Variants in TRIM2 observed in about 807,000 individuals in gnomAD.
The protein encoded by TRIM2 is tripartite motif containing 2.
A neutral mutation model predicts 75.2 loss-of-function variants in TRIM2; 20 were observed. That is an observed-to-expected ratio of 0.27 (90% CI 0.19 to 0.39). The LOEUF is 0.39. Among genes scored for constraint, TRIM2 ranks in the 10% least tolerant of loss-of-function variants. TRIM2 has a pLI of 1.00. For missense variants in TRIM2, 660 were observed against 990.8 expected, an observed-to-expected ratio of 0.67 and a Z score of 4.48; for synonymous variants, 373 against 388.3, an observed-to-expected ratio of 0.96 and a Z score of 0.46.
intron 1 of TRIM2, among the ~76,000 whole-genome samples, chr4:153,240,770 C>T (rs910972456): frequency 2.0e-5 from 3 of 152,164 alleles, no homozygotes; most frequent in African/African-American, 7.2e-5. Flanking sequence ...AGAATATTTT[C>T]AGTAAGTATA....
At chr4:153,170,539 C>T (rs1255923156) in intron 1 of TRIM2, among the ~76,000 whole-genome samples, 1 of 152,162 alleles carries the variant, frequency 6.6e-6, no homozygotes, top group Non-Finnish European at 1.5e-5. Flanking sequence ...AGTTATGCCA[C>T]AGCAACCCCC....
chr4:153,292,970 T>A lies in TRIM2; in HGVS notation c.454-12T>A. The A allele has an allele frequency of 1.3e-6, 2 of 1,595,722 alleles. No individual in the cohort carries two copies. Among genetic ancestry groups the A allele is most frequent in the Non-Finnish European group, 1.7e-6 (2 of 1,168,132 alleles). The stretch of plus-strand genomic sequence containing the variant: ...GGCCCAGAACCAGGAACTTTTCTTG[T>A]GTCATCCACAGGTGATGGAATTTTA... On this transcript the variant is annotated splice_polypyrimidine_tract_variant and intron_variant, in intron 3 of 11. Transcript: ENST00000338700.
At chr4:153,154,945 G>A (rs1172832129) in intron 1 of TRIM2, among the ~76,000 whole-genome samples, 4 of 152,182 alleles carry the variant, frequency 2.6e-5, no homozygotes, top group African/African-American at 9.7e-5. Flanking sequence ...TTCAAGACCA[G>A]CCTGGCCAAA....
chr4:153,229,003 G>T (rs1742903457), intron 1 of TRIM2, among the ~76,000 whole-genome samples: 1 of 152,170 alleles, frequency 6.6e-6, no homozygotes, highest in Non-Finnish European at 1.5e-5. Flanking sequence ...AGATCTGGGA[G>T]CCTGGAAAGG....
chr4:153,154,246 A>T (rs1197460841), intron 1 of TRIM2, among the ~76,000 whole-genome samples: 1 of 152,204 alleles, frequency 6.6e-6, no homozygotes, highest in East Asian at 1.9e-4. Flanking sequence ...TGTGATACAG[A>T]GGCAGGCGGA....
At chr4:153,246,232 C>G (rs889641787) in intron 1 of TRIM2, among the ~76,000 whole-genome samples, 2 of 152,168 alleles carry the variant, frequency 1.3e-5, no homozygotes, top group African/African-American at 4.8e-5. Flanking sequence ...TAAAAAGTAT[C>G]TCTTTTAAAA....
In TRIM2 at chr4:153,338,230, A is replaced by T. The variant is rs1263447223; in HGVS notation, c.*3264A>T. 1.0e-6 allele frequency: 1 copy of T among 985,780 alleles called. No homozygotes were observed. Among genetic ancestry groups the T allele is most frequent in the Admixed American group, 6.1e-5 (1 of 16,276 alleles). 61.1% of individuals were successfully genotyped at this position (985,780 alleles called of 1,614,324 possible). ...GTGAATCCTTAGCACTGACGGGTTA[A>T]CAGAAATGCTTTGGTAATACCTACT... is the stretch of plus-strand genomic sequence containing the variant. On this transcript the variant is annotated 3_prime_UTR_variant, in exon 12 of 12. Transcript: ENST00000338700.
intron 1 of TRIM2, among the ~76,000 whole-genome samples, chr4:153,175,604 G>C (rs1365388520): frequency 6.6e-6 from 1 of 152,098 alleles, no homozygotes; most frequent in East Asian, 1.9e-4. Flanking sequence ...AGAGTAAGGA[G>C]GTCAAAGTGG....
At position 153,295,576 on chromosome 4, in the gene TRIM2, C is replaced by T. The variant is rs1433209136; in HGVS notation, c.1050C>T (p.Ala350=). ...HNLGTILTTN[A]VASETVATGE... is the part of the protein sequence containing the mutation. Reference sequence around the variant, plus strand: ...TCGGGACGATCTTAACCACCAACGCCGTTGCCTCAGAGACAGTGGCCACGG... The same window carrying T: ...TCGGGACGATCTTAACCACCAACGCTGTTGCCTCAGAGACAGTGGCCACGG... Residue 350 remains alanine (A), a synonymous_variant, in exon 6 of 12, where the codon GCC becomes GCT. Transcript: ENST00000338700. The surrounding 1 kb of genome is among the most constrained non-coding windows in gnomAD (Gnocchi z 7.2). 17 of 1,613,466 alleles carry T rather than the reference C, an allele frequency of 1.1e-5. No homozygotes were observed. The highest frequency in any genetic ancestry group is 2.2e-5 in the South Asian group (2 of 90,990).
At chr4:153,277,806 T>A (rs1451418126) in intron 3 of TRIM2, among the ~76,000 whole-genome samples, 1 of 152,260 alleles carries the variant, frequency 6.6e-6, no homozygotes, top group Non-Finnish European at 1.5e-5. Context: ...TTAATAGCTA[T>A]CAGTTTTCCA....
Position 153,315,338 on chromosome 4 carries a change from T to C in TRIM2, c.1511-147T>C. 4 of 579,626 alleles carry C rather than the reference T, an allele frequency of 6.9e-6. No homozygotes were observed. In the South Asian group the frequency reaches 1.0e-4, roughly 15 times the overall value. 35.9% of individuals were successfully genotyped at this position (579,626 alleles called of 1,614,324 possible). A position where few individuals can be genotyped will look rare whatever the true frequency, so the allele number is the denominator to read the frequency against. Reference sequence around the variant, plus strand: ...GTTTAATAGCATATGGATTAGGTTATTGGGGAGGGAGGGTGCCCTTTTTTT... The same window carrying C: ...GTTTAATAGCATATGGATTAGGTTACTGGGGAGGGAGGGTGCCCTTTTTTT... On this transcript the variant is annotated intron_variant, in intron 6 of 11. Transcript: ENST00000338700.
chr4:153,215,273 C>T (rs753490910), intron 1 of TRIM2, among the ~76,000 whole-genome samples: 10 of 152,176 alleles, frequency 6.6e-5, no homozygotes, highest in Admixed American at 1.3e-4. Context: ...ACCTCCTCCT[C>T]TCCTCCACAT....
intron 6 of TRIM2, among the ~76,000 whole-genome samples, chr4:153,313,025 G>A (rs1034115662): frequency 3.9e-5 from 6 of 152,080 alleles, no homozygotes; most frequent in Admixed American, 2.6e-4. Flanking sequence ...TATAAGCAAC[G>A]TTAGACAAAC....
rs116749273 is a variant in TRIM2, at chr4:153,155,362, G to A, written c.-49+2092G>A. Among the ~76,000 whole-genome samples, 548 of 152,248 alleles carry A rather than the reference G, an allele frequency of 3.6e-3. 5 individuals carry two copies. Among genetic ancestry groups the A allele is most frequent in the African/African-American group, 0.013 (525 of 41,560 alleles). Reference sequence around the variant, plus strand: ...TGAATTCTACTCTAGTAAAATAATGGTTAGGGTATTGTTCTTAATTTTGTC... The same window carrying A: ...TGAATTCTACTCTAGTAAAATAATGATTAGGGTATTGTTCTTAATTTTGTC... On this transcript the variant is annotated intron_variant, in intron 1 of 11. Coordinates refer to the TRIM2 transcript ENST00000437508.
At chr4:153,292,213 T>C (rs1397476241) in intron 3 of TRIM2, among the ~76,000 whole-genome samples, 1 of 152,258 alleles carries the variant, frequency 6.6e-6, no homozygotes, top group Non-Finnish European at 1.5e-5. Flanking sequence ...GCTATCACAA[T>C]GGACTCAATG....
At chr4:153,193,962 G>A (rs1733501856) in intron 1 of TRIM2, among the ~76,000 whole-genome samples, 2 of 152,130 alleles carry the variant, frequency 1.3e-5, no homozygotes, top group African/African-American at 4.8e-5. Context: ...GATATACAGA[G>A]AGAAGCACAG....
exon 1 of TRIM2, chr4:153,153,132 G>A (rs1372403929): frequency 1.3e-5 from 2 of 152,324 alleles, no homozygotes; most frequent in East Asian, 3.9e-4. Flanking sequence ...TTTTGAGTGA[G>A]CTTGCAGAAA....
Position 153,336,298 on chromosome 4 carries a change from C to T in TRIM2, c.*1332C>T, listed in dbSNP as rs1001785694. Reference sequence around the variant, plus strand: ...AGCAGATTTAATTTTTGCCATTTTCCAAGAATGACGGTGGTGGCTTTTAGT... The same window carrying T: ...AGCAGATTTAATTTTTGCCATTTTCTAAGAATGACGGTGGTGGCTTTTAGT... On this transcript the variant is annotated 3_prime_UTR_variant, in exon 12 of 12. Transcript: ENST00000338700. The T allele has an allele frequency of 1.0e-6, 1 of 982,828 alleles. No individual in the cohort carries two copies. The highest frequency in any genetic ancestry group is 6.3e-5 in the Admixed American group (1 of 15,934). The allele number at this position is 982,828 out of a possible 1,614,324, so 60.9% of individuals were successfully genotyped here.
chr4:153,199,426 A>G (rs1010463163), intron 1 of TRIM2, among the ~76,000 whole-genome samples: 6 of 152,352 alleles, frequency 3.9e-5, no homozygotes, highest in African/African-American at 1.4e-4. Context: ...GCAGGTCATT[A>G]TATACCCAGA....
Sources: allele counts gnomAD v4.1 joint callset (sites outside exome capture counted in the v4.1 genomes callset), GRCh38; gene constraint gnomAD v4.1.1; non-coding constraint Gnocchi (gnomAD v3.1); transcripts MANE v1.5; gene names NCBI Gene and HGNC (gene_info 2026-07-23, HGNC 2026-07-21).